Variants in CALCOCO1 observed in about 807,000 individuals in gnomAD.
CALCOCO1 encodes calcium-binding and coiled-coil domain-containing protein 1.
A neutral mutation model predicts 86.3 loss-of-function variants in CALCOCO1; 44 were observed. The ratio of observed to expected loss-of-function variants is 0.51; its 90% CI spans 0.40 to 0.66. CALCOCO1 has a LOEUF of 0.66. Among genes scored for constraint, CALCOCO1 ranks in the 30% least tolerant of loss-of-function variants. CALCOCO1 has a pLI of 0.00. For synonymous variants in CALCOCO1, 297 were observed against 327.6 expected (o/e 0.91, Z 1.01); for missense variants, 708 against 851.1 (o/e 0.83, Z 2.09).
At chr12:53,715,528 G>T in intron 9 of CALCOCO1, 2 of 738,178 alleles carry the variant, frequency 2.7e-6, no homozygotes, top group Non-Finnish European at 2.2e-6. Context: ...TCAGGAATGG[G>T]CATTATGGCA....
intron 1 of CALCOCO1, 86 bp from the exon 2 acceptor site, chr12:53,725,352 T>C: frequency 2.4e-6 from 2 of 847,794 alleles, no homozygotes. Context: ...TCACAGCCCC[T>C]GCCACTACAC....
At chr12:53,714,066 T>TG in intron 12 of CALCOCO1, 67 bp downstream of exon 12, 1 of 1,415,428 alleles carries the variant, frequency 7.1e-7, no homozygotes, top group Non-Finnish European at 9.9e-7. Context: ...CAAGGTTACA[T>TG]GGAGCCTTCC....
chr12:53,712,712 C>T, intron 14 of CALCOCO1: 10 of 927,090 alleles, frequency 1.1e-5, no homozygotes, highest in Non-Finnish European at 1.2e-5. Flanking sequence ...AGTCTTCTCT[C>T]TGCTCCTATC....
Position 53,723,764 on chromosome 12 carries a change from T to C in CALCOCO1, c.279A>G (p.Pro93=). Residue 93 remains proline (P), a synonymous_variant, in exon 4 of 15, where the codon CCA becomes CCG. Transcript: ENST00000550804. The stretch of plus-strand genomic sequence containing the variant: ...ATCGGAACTGGTAGAGCTGAGCTCC[T>C]GGTTTGGGCAGGTAGCTGGCTGTGG... ...VQFQASYLPK[P]GAQLYQFRYV... 6 of 1,613,276 alleles carry C rather than the reference T, an allele frequency of 3.7e-6. No individual in the cohort carries two copies. Among genetic ancestry groups the C allele is most frequent in the Non-Finnish European group, 5.1e-6 (6 of 1,179,310 alleles).
At chr12:53,717,435 G>T (rs1945755430) in intron 7 of CALCOCO1, among the ~76,000 whole-genome samples, 1 of 152,180 alleles carries the variant, frequency 6.6e-6, no homozygotes, top group Non-Finnish European at 1.5e-5. Flanking sequence ...GAATAAAAAT[G>T]AAGCTCAAGA....
At position 53,716,263 on chromosome 12, in the gene CALCOCO1, C is replaced by T; in HGVS notation, c.1002G>A (p.Arg334=). ...MKDTLGQAQQ[R]VAELEPLKEQ... ...GTTGCCAAGGGGCCTCACTCACCAC[C>T]CGCTGCTGGGCCTGGCCTAGGGTGT... Residue 334 remains arginine (R), a synonymous_variant, in exon 8 of 15, where the codon CGG becomes CGA. Coordinates refer to ENST00000550804, the MANE Select transcript of CALCOCO1 (RefSeq NM_020898.3). 1 of 1,613,852 alleles carries T rather than the reference C, an allele frequency of 6.2e-7. No homozygotes were observed. The highest frequency in any genetic ancestry group is 1.7e-4 in the Middle Eastern group (1 of 5,980).
At chr12:53,725,966 T>G (rs1946017514) in intron 1 of CALCOCO1, among the ~76,000 whole-genome samples, 1 of 152,142 alleles carries the variant, frequency 6.6e-6, no homozygotes, top group Non-Finnish European at 1.5e-5. Context: ...GTTCTGTCCC[T>G]TGACTTATTA....
At position 53,710,891 on chromosome 12, in the gene CALCOCO1, T is replaced by C. The variant is rs1945533645; in HGVS notation, c.*1053A>G. 4.9e-6 allele frequency: 1 copy of C among 202,930 alleles called. No homozygotes were observed. Among genetic ancestry groups the C allele is most frequent in the Non-Finnish European group, 9.8e-6 (1 of 102,052 alleles). 12.6% of individuals were successfully genotyped at this position (202,930 alleles called of 1,614,324 possible). On this transcript the variant is annotated 3_prime_UTR_variant, in exon 15 of 15. Transcript: ENST00000550804. ...GACAGGGACCCATGAGTTTGCTCCCTCCCCAACTGCCGCATTATCCAAGCC... is the reference window on the plus strand; with the variant it reads ...GACAGGGACCCATGAGTTTGCTCCCCCCCCAACTGCCGCATTATCCAAGCC...
chr12:53,719,801 G>C lies in CALCOCO1; in HGVS notation c.787C>G (p.Arg263Gly), dbSNP rs1471964615. The C allele has an allele frequency of 1.9e-6, 3 of 1,613,710 alleles. No homozygotes were observed. The highest frequency in any genetic ancestry group is 1.7e-5 in the Admixed American group (1 of 59,984). Residue 263 changes from arginine (R) to glycine (G), a missense_variant, in exon 7 of 15, where the codon CGG becomes GGG. Coordinates refer to ENST00000550804, the MANE Select transcript of CALCOCO1 (RefSeq NM_020898.3). ...RLRDTVKALT[R>G]EQEKLLGQLK... Reference sequence around the variant, plus strand: ...TGCCCAAGGAGCTTCTCTTGTTCCCGAGTCAGGGCCTTCACTGTGTCTCTA... The same window carrying C: ...TGCCCAAGGAGCTTCTCTTGTTCCCCAGTCAGGGCCTTCACTGTGTCTCTA...
At position 53,722,096 on chromosome 12, in the gene CALCOCO1, G is replaced by A. The variant is rs768996469; in HGVS notation, c.538C>T (p.Arg180Ter). ...LEGQVTELRS[R>*]VQELERALAT... ...AGAGCCCTCTCGAGCTCCTGCACTC[G>A]GCTCCTCAGCTCTGTCACCTGTCCC... The change falls in exon 5 of 15, where the codon CGA becomes TGA. Residue 180 changes from arginine (R) to a stop codon, truncating the protein, a stop_gained. Transcript: ENST00000550804. LOFTEE classifies it high-confidence loss of function. The A allele has an allele frequency of 4.3e-6, 7 of 1,613,744 alleles. No individual in the cohort carries two copies. The highest frequency in any genetic ancestry group is 4.0e-5 in the African/African-American group (3 of 74,910).
At chr12:53,723,976 T>C in intron 3 of CALCOCO1, 193 bp from the exon 4 acceptor site, 1 of 595,134 alleles carries the variant, frequency 1.7e-6, no homozygotes, top group South Asian at 2.0e-5. Context: ...ATCATAATAA[T>C]GCTAGTTACC....
rs1214976585 is a variant in CALCOCO1, at chr12:53,711,944, T to A, written c.2076A>T (p.Ter692CysextTer76). The change falls in exon 15 of 15, where the codon TGA (stop) becomes TGT (cysteine). Residue 692 changes from the stop codon to cysteine (C), a stop_lost. Transcript: ENST00000550804. Reference protein sequence around the residue: ...FSTQDPFTFE* With the variant: ...FSTQDPFTFEC ...TTTGTGCATGTACGAGGGAGTAAGA[T>A]CACTCAAAGGTGAAGGGGTCCTGGG... The A allele has an allele frequency of 1.3e-6, 2 of 1,557,932 alleles. No homozygotes were observed. The highest frequency in any genetic ancestry group is 2.7e-5 in the African/African-American group (2 of 73,146).
chr12:53,713,574 G>C lies in CALCOCO1; in HGVS notation c.1791+127C>G, dbSNP rs1164857870. 4 of 864,874 alleles carry C rather than the reference G, an allele frequency of 4.6e-6. No homozygotes were observed. In the African/African-American group the frequency reaches 5.1e-5, roughly 11 times the overall value. 53.6% of individuals were successfully genotyped at this position (864,874 alleles called of 1,614,324 possible). A position where few individuals can be genotyped will look rare whatever the true frequency, so the allele number is the denominator to read the frequency against. The stretch of plus-strand genomic sequence containing the variant: ...AGCTACTCTTGGGAGACTGAGGTGG[G>C]AGGATCGCTTCAGCCCAGGAGGCAG... On this transcript the variant is annotated intron_variant, in intron 13 of 14. Coordinates refer to ENST00000550804, the MANE Select transcript of CALCOCO1 (RefSeq NM_020898.3).
chr12:53,713,602 G>A, intron 13 of CALCOCO1, 99 bp downstream of exon 13: 2 of 1,111,194 alleles, frequency 1.8e-6, no homozygotes, highest in Non-Finnish European at 2.6e-6. Context: ...GGAGGCAGAG[G>A]CTGCAGTGAG....
Position 53,714,249 on chromosome 12 carries a change from T to G in CALCOCO1, c.1483-8A>C. On this transcript the variant is annotated splice_polypyrimidine_tract_variant and splice_region_variant and intron_variant, in intron 11 of 14. Transcript: ENST00000550804. ...CATGTACTCTAGCAATTCCTGGAAT[T>G]GGGAAGGAAAAAGGCAGGTGCTAGA... 6.2e-7 allele frequency: 1 copy of G among 1,607,592 alleles called. No homozygotes were observed. The highest frequency in any genetic ancestry group is 8.5e-7 in the Non-Finnish European group (1 of 1,174,998).
intron 9 of CALCOCO1, 31 bp downstream of exon 9, chr12:53,715,762 T>A: frequency 6.2e-7 from 1 of 1,605,482 alleles, no homozygotes; most frequent in Non-Finnish European, 8.5e-7. Context: ...GCAGTGGCCA[T>A]CAGATTGCCA....
At chr12:53,724,916 A>G in intron 2 of CALCOCO1, 169 bp from the exon 3 acceptor site, 4 of 860,912 alleles carry the variant, frequency 4.6e-6, no homozygotes, top group Non-Finnish European at 1.8e-6. Flanking sequence ...GAACAAGGCT[A>G]AGATGGAGAA....
intron 5 of CALCOCO1, chr12:53,721,822 G>T (rs2120627850): frequency 1.3e-6 from 1 of 798,546 alleles, no homozygotes; most frequent in Non-Finnish European, 2.0e-6. Context: ...TATGTTCAAA[G>T]AACTGAGTCT....
At position 53,713,904 on chromosome 12, in the gene CALCOCO1, T is replaced by C. The variant is rs372844638; in HGVS notation, c.1592-4A>G. On this transcript the variant is annotated splice_polypyrimidine_tract_variant and splice_region_variant and intron_variant, in intron 12 of 14. Transcript: ENST00000550804. ...TCTGTCAGAGCTGCCGGGCAGCCTG[T>C]AGGAGATGAAGCAGGCAGAGAAGAA... is the stretch of plus-strand genomic sequence containing the variant. 6 of 1,526,526 alleles carry C rather than the reference T, an allele frequency of 3.9e-6. No individual in the cohort carries two copies. Among genetic ancestry groups the C allele is most frequent in the South Asian group, 1.3e-5 (1 of 76,632 alleles). 94.6% of individuals were successfully genotyped at this position (1,526,526 alleles called of 1,614,324 possible). A position where few individuals can be genotyped will look rare whatever the true frequency, so the allele number is the denominator to read the frequency against.
Sources: allele counts gnomAD v4.1 joint callset (sites outside exome capture counted in the v4.1 genomes callset), GRCh38; gene constraint gnomAD v4.1.1; transcripts MANE v1.5; gene names NCBI Gene and HGNC (gene_info 2026-07-23, HGNC 2026-07-21).